The following PARG variants were observed in gnomAD, a reference collection of about 807,000 sequenced individuals.
PARG encodes poly(ADP-ribose) glycohydrolase.
PARG carries 35 observed loss-of-function variants against 113.0 expected under a neutral mutation model. That is an observed-to-expected ratio of 0.31 (90% CI 0.24 to 0.41). PARG has a LOEUF of 0.41. Ranked by LOEUF, PARG falls within the 10% of genes least tolerant of loss-of-function variation. PARG has a pLI of 1.00. For synonymous variants in PARG, 330 were observed against 409.9 expected (o/e 0.81, Z 2.36); for missense variants, 797 against 1,169.4 (o/e 0.68, Z 4.64).
intron 7 of PARG, among the ~76,000 whole-genome samples, chr10:49,907,596 A>G (rs1249611239): frequency 4.6e-5 from 7 of 152,206 alleles, no homozygotes; most frequent in Admixed American, 3.9e-4. Context: ...AAAATACTAC[A>G]ATAGTCCTTC....
At chr10:49,842,332 AAGTCTC>A (rs1845284420) in intron 14 of PARG, among the ~76,000 whole-genome samples, 1 of 152,208 alleles carries the variant, frequency 6.6e-6, no homozygotes, top group Non-Finnish European at 1.5e-5. Context: ...CATTTATAGT[AAGTCTC>A]AGAGGTTAAA....
intron 7 of PARG, among the ~76,000 whole-genome samples, chr10:49,914,316 A>G (rs782763396): frequency 6.6e-6 from 1 of 152,246 alleles, no homozygotes; most frequent in African/African-American, 2.4e-5. Flanking sequence ...GATAACGATT[A>G]TATCGGTTTG....
At chr10:49,874,853 CA>C (rs1482800037) in intron 9 of PARG, among the ~76,000 whole-genome samples, 2 of 128,780 alleles carry the variant, frequency 1.6e-5, no homozygotes, top group Non-Finnish European at 1.7e-5. Context: ...GACTCTGTCC[CA>C]AAAAAAACAA....
chr10:49,898,868 C>T (rs1161297454), intron 7 of PARG, among the ~76,000 whole-genome samples: 1 of 151,768 alleles, frequency 6.6e-6, no homozygotes, highest in African/African-American at 2.4e-5. Context: ...AGTAATTCTC[C>T]CTCTTGTAAT....
At chr10:49,831,064 T>C (rs1314878225) in intron 16 of PARG, among the ~76,000 whole-genome samples, 3 of 152,168 alleles carry the variant, frequency 2.0e-5, no homozygotes, top group Non-Finnish European at 4.4e-5. Context: ...AAACTATCCA[T>C]GAGACTGCAG....
chr10:49,914,739 G>A (rs1323263777), intron 7 of PARG, among the ~76,000 whole-genome samples: 1 of 152,152 alleles, frequency 6.6e-6, no homozygotes, highest in African/African-American at 2.4e-5. Flanking sequence ...ACTGGCACAA[G>A]GATAGACATA....
chr10:49,830,990 A>G (rs1554830178), intron 16 of PARG, among the ~76,000 whole-genome samples: 1 of 152,198 alleles, frequency 6.6e-6, no homozygotes, highest in East Asian at 1.9e-4. Flanking sequence ...ACAACAGAAT[A>G]CTGTGTAGCC....
chr10:49,836,039 A>G (rs1199312876), intron 15 of PARG, among the ~76,000 whole-genome samples: 1 of 152,174 alleles, frequency 6.6e-6, no homozygotes, highest in Admixed American at 6.5e-5. Context: ...GTAGCAGGCT[A>G]TACCACTTAG....
Position 49,842,041 on chromosome 10 carries a change from C to T in PARG, c.2450G>A (p.Arg817His), listed in dbSNP as rs187975064. The T allele has an allele frequency of 1.4e-5, 22 of 1,549,560 alleles. No individual in the cohort carries two copies. The highest frequency in any genetic ancestry group is 5.9e-5 in the Admixed American group (3 of 51,004). The change falls in exon 15 of 18, where the codon CGC becomes CAC. Residue 817 changes from arginine (R) to histidine (H), a missense_variant. By Grantham distance (29) the Arg-to-His change is conservative. Transcript: ENST00000616448. ...DGSERDDWQR[R>H]CTEIVAIDAL... ...ATCGATGGCAACGATCTCAGTGCAG[C>T]GCCGCTGCCAGTCGTCCCTGGGACA...
intron 16 of PARG, 108 bp from the exon 17 acceptor site, chr10:49,820,401 T>C (rs1271012821): frequency 4.0e-6 from 3 of 742,414 alleles, no homozygotes; most frequent in Non-Finnish European, 6.5e-6. Flanking sequence ...TAAAGATTTA[T>C]AAACCCAGTA....
intron 13 of PARG, among the ~76,000 whole-genome samples, chr10:49,850,574 CCTT>C (rs1288534655): frequency 2.0e-5 from 3 of 152,170 alleles, no homozygotes; most frequent in Non-Finnish European, 4.4e-5. Flanking sequence ...AAGGACTACT[CCTT>C]CTTTTGTTTT....
chr10:49,874,484 C>G (rs1554838095), intron 9 of PARG, among the ~76,000 whole-genome samples: 1 of 152,144 alleles, frequency 6.6e-6, no homozygotes, highest in Non-Finnish European at 1.5e-5. Flanking sequence ...AAAGATAAAC[C>G]TGCCATCGCC....
At chr10:49,917,488 C>CA (rs71026277) in intron 6 of PARG, among the ~76,000 whole-genome samples, 1,294 of 46,354 alleles carry the variant, frequency 0.028, 24 homozygotes, top group South Asian at 0.061. Flanking sequence ...GACTCCGTCT[C>CA]AAAAAAAAAA....
At chr10:49,896,717 C>T (rs1271247769) in intron 7 of PARG, among the ~76,000 whole-genome samples, 1 of 152,124 alleles carries the variant, frequency 6.6e-6, no homozygotes, top group Non-Finnish European at 1.5e-5. Flanking sequence ...GCTTAGTAAT[C>T]ATGTATTATC....
At chr10:49,931,286 A>G (rs1838465826) in intron 4 of PARG, among the ~76,000 whole-genome samples, 2 of 152,218 alleles carry the variant, frequency 1.3e-5, no homozygotes, top group East Asian at 1.9e-4. Flanking sequence ...CCCTTTCCCA[A>G]AAGAAACCCC....
chr10:49,842,834 C>G lies in PARG; in HGVS notation c.2432+720G>C, dbSNP rs568840562. On this transcript the variant is annotated intron_variant, in intron 14 of 17. Transcript: ENST00000616448. ...ACATCTACATAGATGTTTGTTGCAACCATATATTTTAAACAAAATAGCAAG... is the reference window on the plus strand; with the variant it reads ...ACATCTACATAGATGTTTGTTGCAAGCATATATTTTAAACAAAATAGCAAG... 2.0e-5 allele frequency among the ~76,000 whole-genome samples: 3 copies of G among 152,160 alleles called. No homozygotes were observed. In the East Asian group the frequency reaches 5.8e-4, roughly 29 times the overall value.
intron 7 of PARG, among the ~76,000 whole-genome samples, chr10:49,912,159 G>A (rs1837223142): frequency 6.6e-6 from 1 of 152,066 alleles, no homozygotes; most frequent in South Asian, 2.1e-4. Context: ...AATTAGCCAG[G>A]TGTGGTGGTG....
chr10:49,842,386 T>C (rs934076775), intron 14 of PARG, among the ~76,000 whole-genome samples: 2 of 152,346 alleles, frequency 1.3e-5, no homozygotes, highest in East Asian at 3.9e-4. Flanking sequence ...AGTTCTTTGT[T>C]TTCCTCTAAT....
At chr10:49,843,415 C>G in intron 14 of PARG, 139 bp downstream of exon 14, 1 of 660,946 alleles carries the variant, frequency 1.5e-6, no homozygotes. Context: ...GCCAATGAAC[C>G]TGTAATGCTG....
Sources: allele counts gnomAD v4.1 joint callset (sites outside exome capture counted in the v4.1 genomes callset), GRCh38; gene constraint gnomAD v4.1.1; transcripts MANE v1.5; gene names NCBI Gene and HGNC (gene_info 2026-07-23, HGNC 2026-07-21).